Variants in RABGAP1L observed in about 807,000 individuals in gnomAD.
RABGAP1L encodes the protein RAB GTPase activating protein 1 like, also known as rab GTPase-activating protein 1-like.
In RABGAP1L, 63 loss-of-function variants were observed where a neutral mutation model predicts 137.7. That is an observed-to-expected ratio of 0.46 (90% confidence interval 0.37 to 0.56). The LOEUF (loss-of-function observed/expected upper bound fraction) is 0.56, where lower values mean the gene tolerates loss of function less well. Among genes scored for constraint, RABGAP1L ranks in the 20% least tolerant of loss-of-function variants. The pLI, the probability that RABGAP1L is intolerant of heterozygous loss-of-function variation, is 0.00. For synonymous variants in RABGAP1L, 431 were observed against 433.7 expected (o/e 0.99, Z 0.08); for missense variants, 1,095 against 1,244.0 (o/e 0.88, Z 1.80).
chr1:174,303,293 A>G (rs1055460217), intron 10 of RABGAP1L, among the ~76,000 whole-genome samples: 5 of 152,114 alleles, frequency 3.3e-5, no homozygotes, highest in Admixed American at 1.3e-4. Flanking sequence ...AAAAAAATCC[A>G]GATTCCTAAA....
chr1:174,445,837 T>G (rs1048162065), intron 13 of RABGAP1L, among the ~76,000 whole-genome samples: 2 of 152,244 alleles, frequency 1.3e-5, no homozygotes, highest in Admixed American at 1.3e-4. Flanking sequence ...AAATAATCTT[T>G]ACAAATGCTA....
intron 13 of RABGAP1L, among the ~76,000 whole-genome samples, chr1:174,621,793 G>T (rs1434881528): frequency 3.2e-4 from 49 of 152,194 alleles, no homozygotes; most frequent in Non-Finnish European, 1.3e-4. Context: ...ATAGGCATGG[G>T]CAAGGACTTC....
At chr1:174,241,315 G>C (rs1030865078) in intron 4 of RABGAP1L, among the ~76,000 whole-genome samples, 168 bp from the exon 5 acceptor site, 5 of 147,610 alleles carry the variant, frequency 3.4e-5, no homozygotes, top group African/African-American at 1.3e-4. Flanking sequence ...GCAAAACTCT[G>C]TTTCAAACAA....
chr1:174,282,883 T>C (rs1300182114), intron 10 of RABGAP1L, among the ~76,000 whole-genome samples: 1 of 152,200 alleles, frequency 6.6e-6, no homozygotes, highest in Non-Finnish European at 1.5e-5. Context: ...AGAATTAGTT[T>C]GTCTAAAATT....
At chr1:174,656,234 A>T (rs892903970) in intron 14 of RABGAP1L, among the ~76,000 whole-genome samples, 9 of 152,198 alleles carry the variant, frequency 5.9e-5, no homozygotes, top group African/African-American at 2.2e-4. Context: ...CGGCGGGTGG[A>T]TGACCTGAGG....
At chr1:174,664,734 CTTTTT>C (rs71701825) in intron 14 of RABGAP1L, among the ~76,000 whole-genome samples, 28 of 97,576 alleles carry the variant, frequency 2.9e-4, no homozygotes, top group East Asian at 2.8e-4. Flanking sequence ...TTTCTGCTTT[CTTTTT>C]TTTTTTTTTT....
chr1:174,486,946 C>T (rs1004256506), intron 13 of RABGAP1L, among the ~76,000 whole-genome samples: 16 of 152,018 alleles, frequency 1.1e-4, no homozygotes, highest in African/African-American at 1.7e-4. Context: ...ATTCAAAATT[C>T]CTTGTTACTA....
chr1:174,500,866 A>C (rs1181099000), intron 13 of RABGAP1L, among the ~76,000 whole-genome samples: 2 of 152,164 alleles, frequency 1.3e-5, no homozygotes, highest in Non-Finnish European at 2.9e-5. Flanking sequence ...GATTTGGTAG[A>C]TATTGGTTGA....
chr1:174,642,203 T>C (rs565593127), intron 14 of RABGAP1L, among the ~76,000 whole-genome samples: 1 of 152,276 alleles, frequency 6.6e-6, no homozygotes, highest in African/African-American at 2.4e-5. Context: ...ATGGGAGAGA[T>C]TGAATATATT....
chr1:174,161,895 AT>A (rs1460246863), intron 1 of RABGAP1L, among the ~76,000 whole-genome samples: 1 of 151,992 alleles, frequency 6.6e-6, no homozygotes, highest in Non-Finnish European at 1.5e-5. Context: ...AACCTGGCTA[AT>A]TTTTTGTTTT....
chr1:174,464,881 A>G (rs1374914983), intron 13 of RABGAP1L, among the ~76,000 whole-genome samples: 3 of 152,090 alleles, frequency 2.0e-5, no homozygotes, highest in Non-Finnish European at 2.9e-5. Context: ...CTGATAACTT[A>G]TGGATACAGC....
chr1:174,800,644 C>G, intron 18 of RABGAP1L: 4 of 1,262,796 alleles, frequency 3.2e-6, no homozygotes, highest in Non-Finnish European at 4.3e-6. Flanking sequence ...TGAGTGGCCA[C>G]TGTTGTGCAG....
intron 11 of RABGAP1L, among the ~76,000 whole-genome samples, chr1:174,317,919 A>G (rs1261345348): frequency 6.6e-6 from 1 of 152,104 alleles, no homozygotes; most frequent in Non-Finnish European, 1.5e-5. Flanking sequence ...CTCCTCTAAC[A>G]GGACAGCACT....
At chr1:174,595,730 G>A (rs1416569232) in intron 13 of RABGAP1L, among the ~76,000 whole-genome samples, 6 of 106,284 alleles carry the variant, frequency 5.6e-5, no homozygotes, top group East Asian at 2.6e-4. Context: ...CTCCAGCTGC[G>A]TGCTGGGAGA....
At chr1:174,528,572 G>A (rs961488063) in intron 13 of RABGAP1L, among the ~76,000 whole-genome samples, 10 of 144,686 alleles carry the variant, frequency 6.9e-5, no homozygotes, top group African/African-American at 2.5e-4. Flanking sequence ...GAAACTCATT[G>A]TTAGTCTGAT....
intron 14 of RABGAP1L, among the ~76,000 whole-genome samples, chr1:174,678,954 C>T (rs1677850214): frequency 6.6e-6 from 1 of 152,178 alleles, no homozygotes; most frequent in South Asian, 2.1e-4. Flanking sequence ...TGGTGGATGG[C>T]AAGCGAAAGC....
At chr1:174,942,583 GTTC>G (rs1356102988) in intron 19 of RABGAP1L, among the ~76,000 whole-genome samples, 3 of 152,166 alleles carry the variant, frequency 2.0e-5, no homozygotes, top group Admixed American at 6.5e-5. Context: ...CTGTGCCTTT[GTTC>G]TTCTTCTGTA....
intron 19 of RABGAP1L, among the ~76,000 whole-genome samples, chr1:174,846,020 G>A (rs905707896): frequency 6.7e-6 from 1 of 148,428 alleles, no homozygotes; most frequent in South Asian, 2.2e-4. Context: ...GTGTAGAGGT[G>A]TTTGTAGTAT....
chr1:174,433,969 A>C (rs1262928966), intron 13 of RABGAP1L, among the ~76,000 whole-genome samples: 1 of 152,142 alleles, frequency 6.6e-6, no homozygotes, highest in Non-Finnish European at 1.5e-5. Flanking sequence ...GATACATTTT[A>C]ATGAGCTTTG....
Sources: allele counts gnomAD v4.1 joint callset (sites outside exome capture counted in the v4.1 genomes callset), GRCh38; gene constraint gnomAD v4.1.1; transcripts MANE v1.5; gene names NCBI Gene and HGNC (gene_info 2026-07-23, HGNC 2026-07-21).